The following ROBO2 variants were observed in gnomAD, a reference collection of about 807,000 sequenced individuals.
The protein encoded by ROBO2 is roundabout guidance receptor 2.
A neutral mutation model predicts 160.8 loss-of-function variants in ROBO2; 53 were observed. That is an observed-to-expected ratio of 0.33 (90% confidence interval 0.26 to 0.41). The LOEUF (loss-of-function observed/expected upper bound fraction) is 0.41, where lower values mean the gene tolerates loss of function less well. Ranked by LOEUF, ROBO2 falls within the 10% of genes least tolerant of loss-of-function variation. ROBO2 has a pLI of 1.00. For synonymous variants in ROBO2, 664 were observed against 611.7 expected (o/e 1.09, Z -1.26); for missense variants, 1,577 against 1,722.4 (o/e 0.92, Z 1.49).
intron 1 of ROBO2, among the ~76,000 whole-genome samples, chr3:77,063,613 C>CA (rs2066537784): frequency 6.6e-6 from 1 of 152,182 alleles, no homozygotes; most frequent in Admixed American, 6.5e-5. Context: ...CTTTATGACT[C>CA]ACACTTACGT....
chr3:77,559,201 C>T (rs904841973), intron 9 of ROBO2, among the ~76,000 whole-genome samples: 5 of 152,066 alleles, frequency 3.3e-5, no homozygotes, highest in Non-Finnish European at 5.9e-5. Flanking sequence ...AAATCACAAA[C>T]ATGACATACT....
At chr3:76,359,898 A>T (rs2075403129) in intron 2 of ROBO2, among the ~76,000 whole-genome samples, 1 of 152,056 alleles carries the variant, frequency 6.6e-6, no homozygotes, top group South Asian at 2.1e-4. Flanking sequence ...CATTATATGC[A>T]GTCTAAATAT....
intron 2 of ROBO2, among the ~76,000 whole-genome samples, chr3:76,316,133 G>A (rs1305411289): frequency 4.6e-5 from 7 of 152,128 alleles, no homozygotes; most frequent in African/African-American, 9.7e-5. Context: ...AGCGGTGCAC[G>A]TATTGTCTTG....
intron 2 of ROBO2, among the ~76,000 whole-genome samples, chr3:76,362,561 G>T (rs561892830): frequency 2.0e-5 from 3 of 151,978 alleles, no homozygotes; most frequent in Non-Finnish European, 4.4e-5. Flanking sequence ...TTTATAAGGG[G>T]AAAAATATGA....
chr3:77,320,078 G>T (rs775943816), intron 2 of ROBO2, among the ~76,000 whole-genome samples: 1 of 152,118 alleles, frequency 6.6e-6, no homozygotes, highest in Non-Finnish European at 1.5e-5. Flanking sequence ...TGAAATTGCA[G>T]CTGCATATTT....
At chr3:77,108,649 CAG>C (rs2150158318) in intron 2 of ROBO2, among the ~76,000 whole-genome samples, 1 of 152,186 alleles carries the variant, frequency 6.6e-6, no homozygotes, top group South Asian at 2.1e-4. Context: ...GGCCTTCAGA[CAG>C]GGCATACTGC....
chr3:76,242,215 G>C (rs184395915), intron 2 of ROBO2, among the ~76,000 whole-genome samples: 1 of 152,206 alleles, frequency 6.6e-6, no homozygotes, highest in East Asian at 1.9e-4. Context: ...GTGCGGCCCT[G>C]TTCTAGCCAG....
intron 2 of ROBO2, among the ~76,000 whole-genome samples, chr3:76,142,569 A>G (rs531056965): frequency 3.3e-5 from 5 of 152,168 alleles, no homozygotes; most frequent in Admixed American, 2.6e-4. Context: ...ACAGAAAGAC[A>G]GACATCAGAT....
chr3:76,940,594 C>T (rs2078121252), intron 2 of ROBO2, among the ~76,000 whole-genome samples: 1 of 152,198 alleles, frequency 6.6e-6, no homozygotes, highest in South Asian at 2.1e-4. Flanking sequence ...CAGATTACCA[C>T]AATAGGCATC....
chr3:76,682,951 C>T (rs751226277), intron 2 of ROBO2, among the ~76,000 whole-genome samples: 9 of 151,924 alleles, frequency 5.9e-5, no homozygotes, highest in Non-Finnish European at 1.2e-4. Context: ...ATTTGAGAAC[C>T]GTTAGTACAA....
chr3:76,434,309 G>C (rs1369196283), intron 2 of ROBO2: 9 of 1,094,748 alleles, frequency 8.2e-6, no homozygotes, highest in Non-Finnish European at 1.3e-5. Context: ...TTTCCAATTT[G>C]TTGGCACCCA....
chr3:75,968,297 A>C (rs1949192100), intron 2 of ROBO2, among the ~76,000 whole-genome samples: 1 of 151,404 alleles, frequency 6.6e-6, no homozygotes, highest in Non-Finnish European at 1.5e-5. Context: ...ATGTCCCCTC[A>C]GGCTTTGCTG....
intron 2 of ROBO2, among the ~76,000 whole-genome samples, chr3:76,041,794 T>C (rs542845416): frequency 2.0e-5 from 3 of 152,134 alleles, no homozygotes; most frequent in South Asian, 2.1e-4. Flanking sequence ...TTATGTTGAT[T>C]GATCCCTACA....
intron 2 of ROBO2, among the ~76,000 whole-genome samples, chr3:76,518,046 A>T (rs1309626704): frequency 6.6e-6 from 1 of 152,160 alleles, no homozygotes. Flanking sequence ...GTAAAGAGAC[A>T]TTGGCATTAG....
exon 8 of ROBO2, chr3:77,550,898 C>A (rs1390939407): frequency 5.0e-6 from 8 of 1,613,044 alleles, no homozygotes; most frequent in Non-Finnish European, 6.8e-6. Flanking sequence ...CAATCACCAA[C>A]ATTCAACGTT....
intron 2 of ROBO2, among the ~76,000 whole-genome samples, chr3:76,694,616 C>T (rs2092888009): frequency 2.0e-5 from 3 of 151,780 alleles, no homozygotes; most frequent in Admixed American, 2.0e-4. Flanking sequence ...GGAAAGCGTT[C>T]CTATCTTGTA....
intron 2 of ROBO2, among the ~76,000 whole-genome samples, chr3:76,460,380 T>C (rs150018160): frequency 2.6e-5 from 4 of 152,130 alleles, no homozygotes; most frequent in African/African-American, 9.7e-5. Flanking sequence ...CAGTAAATAT[T>C]CTTTGTAAAT....
intron 2 of ROBO2, among the ~76,000 whole-genome samples, chr3:76,683,351 A>G (rs2092609950): frequency 6.8e-6 from 1 of 146,092 alleles, no homozygotes; most frequent in Non-Finnish European, 1.5e-5. Context: ...ATAGCTGCTG[A>G]TTTTTTTTTT....
chr3:76,960,291 C>A (rs1404393788), intron 2 of ROBO2, among the ~76,000 whole-genome samples: 2 of 151,962 alleles, frequency 1.3e-5, no homozygotes, highest in Non-Finnish European at 2.9e-5. Context: ...GACCAGAGCT[C>A]AATATTCAGA....
Sources: gnomAD v4.1 joint callset for allele counts (sites outside exome capture counted in the v4.1 genomes callset) on GRCh38, gnomAD v4.1.1 for gene constraint, MANE v1.5 for transcripts, NCBI Gene and HGNC (gene_info 2026-07-23, HGNC 2026-07-21) for gene names.